The following FBXL17 variants were observed in gnomAD, a reference collection of about 807,000 sequenced individuals.
FBXL17 encodes the protein F-box and leucine rich repeat protein 17, also known as F-box/LRR-repeat protein 17.
Under a neutral mutation model 66.2 loss-of-function variants are expected in FBXL17, and 22 were observed. The ratio of observed to expected loss-of-function variants is 0.33; its 90% confidence interval spans 0.24 to 0.47. FBXL17 has a LOEUF of 0.47. Among genes scored for constraint, FBXL17 ranks in the 20% least tolerant of loss-of-function variants. The pLI, the probability that FBXL17 is intolerant of heterozygous loss-of-function variation, is 1.00. For synonymous variants in FBXL17, 474 were observed against 400.5 expected (o/e 1.18, Z -2.19); for missense variants, 878 against 948.2 (o/e 0.93, Z 0.97).
At chr5:107,991,313 A>G (rs1753237547) in intron 7 of FBXL17, among the ~76,000 whole-genome samples, 2 of 152,306 alleles carry the variant, frequency 1.3e-5, no homozygotes, top group Middle Eastern at 3.4e-3. Flanking sequence ...GAAACCCACA[A>G]GAGAGCTGCT....
intron 7 of FBXL17, among the ~76,000 whole-genome samples, chr5:107,924,019 C>T (rs1231791378): frequency 6.8e-6 from 1 of 146,624 alleles, no homozygotes; most frequent in Non-Finnish European, 1.5e-5. Flanking sequence ...GATCCAGTAA[C>T]CAGAGAAGTT....
intron 4 of FBXL17, among the ~76,000 whole-genome samples, chr5:108,233,137 T>C (rs1755442276): frequency 6.6e-6 from 1 of 152,084 alleles, no homozygotes; most frequent in Non-Finnish European, 1.5e-5. Context: ...GAGTTCTTTA[T>C]ATATTCTGAA....
intron 7 of FBXL17, among the ~76,000 whole-genome samples, chr5:107,991,554 T>A (rs1350304811): frequency 6.6e-6 from 1 of 152,190 alleles, no homozygotes; most frequent in African/African-American, 2.4e-5. Flanking sequence ...AGAGCCTATA[T>A]TGGTTTTGGA....
intron 7 of FBXL17, among the ~76,000 whole-genome samples, chr5:107,978,989 A>C (rs1752697016): frequency 6.6e-6 from 1 of 152,216 alleles, no homozygotes. Context: ...GTTTTACCAG[A>C]TGTGGAATCA....
chr5:108,160,693 G>A lies in FBXL17; in HGVS notation c.1745+25424C>T, dbSNP rs576014147. ...TAAAAACAGGGTTTAAAGTCAAAAA[G>A]TGAATTCAGCTATTATTTAAGACAG... On this transcript the variant is annotated intron_variant, in intron 6 of 8. Transcript: ENST00000542267. Among the ~76,000 whole-genome samples the A allele has an allele frequency of 2.0e-5, 3 of 152,254 alleles. No homozygotes were observed. The East Asian group carries it at 5.8e-4, about 29-fold the overall frequency.
chr5:107,932,927 T>G (rs945993084), intron 7 of FBXL17, among the ~76,000 whole-genome samples: 2 of 152,114 alleles, frequency 1.3e-5, no homozygotes, highest in Non-Finnish European at 2.9e-5. Flanking sequence ...ATTTAGGAAT[T>G]GGATATAAGG....
chr5:108,204,082 A>C (rs2150052303), intron 5 of FBXL17, among the ~76,000 whole-genome samples: 1 of 152,138 alleles, frequency 6.6e-6, no homozygotes, highest in East Asian at 1.9e-4. Flanking sequence ...ACTCAACCAA[A>C]CCCATACGCA....
intron 6 of FBXL17, among the ~76,000 whole-genome samples, chr5:108,022,444 G>C (rs1176913050): frequency 1.3e-5 from 2 of 151,812 alleles, no homozygotes; most frequent in Non-Finnish European, 2.9e-5. Flanking sequence ...TACACGCTAA[G>C]AGTACAAATA....
intron 6 of FBXL17, among the ~76,000 whole-genome samples, chr5:108,059,338 C>T (rs1005616639): frequency 3.3e-5 from 5 of 152,116 alleles, no homozygotes; most frequent in African/African-American, 1.2e-4. Context: ...TGACAGAGGC[C>T]TTAGGAGTTA....
chr5:108,262,966 C>A (rs572075802), intron 4 of FBXL17, among the ~76,000 whole-genome samples: 128 of 150,508 alleles, frequency 8.5e-4, no homozygotes, highest in African/African-American at 3.0e-3. Context: ...ACTGTTCAAT[C>A]TGAACTTAGC....
intron 5 of FBXL17, among the ~76,000 whole-genome samples, chr5:108,216,688 G>C (rs1423506218): frequency 1.3e-5 from 2 of 152,104 alleles, no homozygotes; most frequent in East Asian, 1.9e-4. Flanking sequence ...TAGATAACAA[G>C]GGAAGGGTCC....
intron 4 of FBXL17, among the ~76,000 whole-genome samples, chr5:108,292,190 T>G (rs893259752): frequency 5.9e-5 from 9 of 151,908 alleles, no homozygotes; most frequent in South Asian, 2.1e-4. Flanking sequence ...GGCGCGATCT[T>G]GGCTCACCGC....
At chr5:108,199,602 G>T (rs1485213623) in intron 5 of FBXL17, among the ~76,000 whole-genome samples, 2 of 152,134 alleles carry the variant, frequency 1.3e-5, no homozygotes, top group Non-Finnish European at 2.9e-5. Context: ...CAGGATGGCA[G>T]TATAGAGTTA....
At chr5:108,269,633 C>G (rs191324262) in intron 4 of FBXL17, among the ~76,000 whole-genome samples, 2 of 152,094 alleles carry the variant, frequency 1.3e-5, no homozygotes, top group East Asian at 3.9e-4. Context: ...AATATGGGTA[C>G]TGGATCTCCT....
At chr5:108,371,821 T>C (rs1423650553) in intron 1 of FBXL17, among the ~76,000 whole-genome samples, 1 of 152,218 alleles carries the variant, frequency 6.6e-6, no homozygotes, top group Non-Finnish European at 1.5e-5. Flanking sequence ...TTAGAGCAAG[T>C]GGAAGTGTTA....
chr5:107,892,982 C>G (rs975755409), intron 7 of FBXL17, among the ~76,000 whole-genome samples: 1 of 152,162 alleles, frequency 6.6e-6, no homozygotes, highest in South Asian at 2.1e-4. Flanking sequence ...ATCTTCCTAT[C>G]AATGGCCTCT....
intron 7 of FBXL17, among the ~76,000 whole-genome samples, chr5:107,921,616 A>T (rs1750323312): frequency 6.6e-6 from 1 of 152,174 alleles, no homozygotes; most frequent in Non-Finnish European, 1.5e-5. Flanking sequence ...CTCCACATAC[A>T]ACTTGAAGAG....
intron 7 of FBXL17, among the ~76,000 whole-genome samples, chr5:107,882,579 G>T (rs1346079736): frequency 3.3e-5 from 5 of 152,092 alleles, no homozygotes; most frequent in African/African-American, 1.2e-4. Flanking sequence ...TTTCCAAGGG[G>T]TTTGGGGGAT....
intron 4 of FBXL17, among the ~76,000 whole-genome samples, chr5:108,255,844 G>T (rs561576019): frequency 6.6e-6 from 1 of 152,278 alleles, no homozygotes; most frequent in Non-Finnish European, 1.5e-5. Flanking sequence ...TCGATGAAAA[G>T]GTTTTGTTCC....
Sources: gnomAD v4.1 joint callset for allele counts (sites outside exome capture counted in the v4.1 genomes callset) on GRCh38, gnomAD v4.1.1 for gene constraint, MANE v1.5 for transcripts, NCBI Gene and HGNC (gene_info 2026-07-23, HGNC 2026-07-21) for gene names.